RANBP17: variants seen among roughly 807,000 people sequenced by gnomAD.
The protein encoded by RANBP17 is ran-binding protein 17.
A neutral mutation model predicts 141.2 loss-of-function variants in RANBP17; 158 were observed. That is an observed-to-expected ratio of 1.12 (90% CI 0.98 to 1.28). RANBP17 has a LOEUF of 1.28. Ranked by LOEUF, RANBP17 falls within the 50% of genes most tolerant of loss-of-function variation. The pLI is 0.00. For synonymous variants in RANBP17, 430 were observed against 450.0 expected, an observed-to-expected ratio of 0.96 and a Z score of 0.56; for missense variants, 1,438 against 1,290.7, an observed-to-expected ratio of 1.11 and a Z score of -1.75.
chr5:171,048,417 G>A (rs1468413498), intron 14 of RANBP17, among the ~76,000 whole-genome samples: 4 of 151,976 alleles, frequency 2.6e-5, no homozygotes, highest in Non-Finnish European at 5.9e-5. Context: ...TCTTTCAACT[G>A]CTGTGTTTAT....
intron 14 of RANBP17, among the ~76,000 whole-genome samples, chr5:171,065,404 T>C (rs945994560): frequency 6.6e-6 from 1 of 152,138 alleles, no homozygotes; most frequent in African/African-American, 2.4e-5. Context: ...ATCCCTCCCA[T>C]GCACAGTTTA....
At chr5:171,109,991 T>G (rs74805057) in intron 14 of RANBP17, among the ~76,000 whole-genome samples, 7,989 of 152,224 alleles carry the variant, frequency 0.052, 264 homozygotes, top group East Asian at 0.12. Context: ...ATGAGGGTTA[T>G]TGAGAAAGAC....
chr5:171,274,985 C>T (rs1767400547), intron 25 of RANBP17, among the ~76,000 whole-genome samples: 3 of 152,112 alleles, frequency 2.0e-5, no homozygotes, highest in Admixed American at 6.6e-5. Flanking sequence ...CTTCCCAACC[C>T]CCACTAGGAC....
At chr5:171,031,274 T>C (rs1443172382) in intron 14 of RANBP17, among the ~76,000 whole-genome samples, 8 of 152,032 alleles carry the variant, frequency 5.3e-5, no homozygotes, top group African/African-American at 2.4e-5. Flanking sequence ...TGCTAGCTGA[T>C]TGTACCTTAC....
intron 7 of RANBP17, among the ~76,000 whole-genome samples, chr5:170,912,799 A>C (rs897129373): frequency 1.3e-5 from 2 of 150,656 alleles, no homozygotes; most frequent in Non-Finnish European, 2.9e-5. Flanking sequence ...ATTTGCAAAC[A>C]GATAGTACCC....
intron 20 of RANBP17, chr5:171,207,060 C>G (rs973928202): frequency 1.2e-5 from 2 of 167,486 alleles, no homozygotes; most frequent in Non-Finnish European, 2.6e-5. Flanking sequence ...CTCCTGGGCT[C>G]AAGCGATCCT....
At chr5:171,061,337 G>A (rs1443106360) in intron 14 of RANBP17, among the ~76,000 whole-genome samples, 265 of 152,174 alleles carry the variant, frequency 1.7e-3, no homozygotes, top group African/African-American at 6.2e-3. Flanking sequence ...CTTTGAATGT[G>A]TCCCAGAGAT....
intron 14 of RANBP17, among the ~76,000 whole-genome samples, chr5:171,100,185 G>C (rs1477602813): frequency 6.6e-6 from 1 of 152,176 alleles, no homozygotes; most frequent in East Asian, 1.9e-4. Flanking sequence ...AATGGTACCA[G>C]CTCCTTTTTG....
chr5:171,084,425 T>G (rs1426206335), intron 14 of RANBP17, among the ~76,000 whole-genome samples: 1 of 123,632 alleles, frequency 8.1e-6, no homozygotes, highest in African/African-American at 2.9e-5. Flanking sequence ...TAAACATATG[T>G]GTGCATGTGT....
chr5:171,062,580 G>A (rs982723578), intron 14 of RANBP17, among the ~76,000 whole-genome samples: 3 of 152,064 alleles, frequency 2.0e-5, no homozygotes, highest in Non-Finnish European at 4.4e-5. Context: ...TTTCTCTCTG[G>A]CTGCCCTTAA....
chr5:171,199,640 A>G (rs777784688), intron 18 of RANBP17, 30 bp from the exon 19 acceptor site: 1 of 1,367,460 alleles, frequency 7.3e-7, no homozygotes, highest in Non-Finnish European at 1.0e-6. Context: ...TGCATTTTAA[A>G]CCGTAGTGAC....
chr5:170,872,944 C>T (rs950669244), intron 1 of RANBP17, among the ~76,000 whole-genome samples: 8 of 152,016 alleles, frequency 5.3e-5, no homozygotes, highest in African/African-American at 1.9e-4. Flanking sequence ...CGGAGTCTTA[C>T]TCTGTCACCC....
intron 22 of RANBP17, among the ~76,000 whole-genome samples, chr5:171,225,791 C>T (rs1333235782): frequency 6.6e-6 from 1 of 152,194 alleles, no homozygotes; most frequent in Non-Finnish European, 1.5e-5. Context: ...AATACCTCCG[C>T]CTCACTGCTC....
At chr5:170,908,260 A>T (rs13184411) in intron 5 of RANBP17, among the ~76,000 whole-genome samples, 1 of 152,010 alleles carries the variant, frequency 6.6e-6, no homozygotes, top group Non-Finnish European at 1.5e-5. Context: ...AAAGACGTGG[A>T]ATCAGCCTTG....
At chr5:170,881,273 A>G (rs1222355999) in intron 2 of RANBP17, among the ~76,000 whole-genome samples, 1 of 152,212 alleles carries the variant, frequency 6.6e-6, no homozygotes, top group East Asian at 1.9e-4. Flanking sequence ...GGTGGAGTGA[A>G]TACATGAACC....
intron 25 of RANBP17, among the ~76,000 whole-genome samples, chr5:171,276,998 G>A (rs1349354816): frequency 6.8e-6 from 1 of 147,822 alleles, no homozygotes; most frequent in African/African-American, 2.5e-5. Context: ...CCAACTCTGG[G>A]AAGCGTTTTA....
chr5:171,119,852 CA>C (rs1297271754), intron 14 of RANBP17, among the ~76,000 whole-genome samples: 1 of 151,772 alleles, frequency 6.6e-6, no homozygotes, highest in Non-Finnish European at 1.5e-5. Context: ...CCAGCCTGAC[CA>C]ACATGGAGAA....
chr5:171,240,943 C>A lies in RANBP17; in HGVS notation c.2438C>A (p.Ser813Tyr), dbSNP rs749501219. 8 of 1,612,618 alleles carry A rather than the reference C, an allele frequency of 5.0e-6. No individual in the cohort carries two copies. ...MVCTYGNQILSLGSLSKDQIY... is the reference protein window; with the variant it reads ...MVCTYGNQILYLGSLSKDQIY... ...CCTGAAACAGGTAATCAGATCCTGT[C>A]CCTTGGGAGCCTCTCAAAAGATCAG... Residue 813 changes from serine to tyrosine, a missense_variant, in exon 23 of 28, where the codon TCC (serine) becomes TAC (tyrosine). Coordinates refer to ENST00000523189, the MANE Select transcript of RANBP17 (RefSeq NM_022897.5).
intron 22 of RANBP17, among the ~76,000 whole-genome samples, chr5:171,222,932 A>T (rs956099119): frequency 6.6e-6 from 1 of 152,106 alleles, no homozygotes; most frequent in Non-Finnish European, 1.5e-5. Flanking sequence ...CCCAGCCGTG[A>T]TTCTAATATT....
Sources: allele counts gnomAD v4.1 joint callset (sites outside exome capture counted in the v4.1 genomes callset), GRCh38; gene constraint gnomAD v4.1.1; transcripts MANE v1.5; gene names NCBI Gene and HGNC (gene_info 2026-07-23, HGNC 2026-07-21).